The following SYMPK variants were observed in gnomAD, a reference collection of about 807,000 sequenced individuals.
SYMPK encodes symplekin scaffold protein.
In SYMPK, 49 loss-of-function variants were observed where a neutral mutation model predicts 136.4. The observed-to-expected ratio is 0.36, with a 90% confidence interval of 0.29 to 0.46. SYMPK has a LOEUF of 0.46. Among genes scored for constraint, SYMPK ranks in the 20% least tolerant of loss-of-function variants. The pLI is 1.00. For synonymous variants in SYMPK, 766 were observed against 713.0 expected, an observed-to-expected ratio of 1.07 and a Z score of -1.19; for missense variants, 1,365 against 1,690.0, an observed-to-expected ratio of 0.81 and a Z score of 3.37.
At chr19:45,831,052 C>T (rs1600505384) in intron 12 of SYMPK, 1 of 204,816 alleles carries the variant, frequency 4.9e-6, no homozygotes, top group East Asian at 1.1e-4. Flanking sequence ...ATCACAATCA[C>T]TTTTCACTCG....
chr19:45,823,167 C>T (rs1014783258), intron 20 of SYMPK, among the ~76,000 whole-genome samples: 1 of 152,180 alleles, frequency 6.6e-6, no homozygotes, highest in African/African-American at 2.4e-5. Context: ...ACCCGGGTGC[C>T]CATGCAAATG....
chr19:45,829,068 G>C lies in SYMPK; in HGVS notation c.1887C>G (p.Ala629=), dbSNP rs767787118. Residue 629 remains alanine, a synonymous_variant, in exon 14 of 27, where the codon GCC becomes GCG. Coordinates refer to ENST00000245934, the MANE Select transcript of SYMPK (RefSeq NM_004819.3). ...AFAWLYQEYN[A]YLAAGASGSL... ...AGCCCGAGGCACCTGCGGCCAGGTA[G>C]GCGTTGTACTCCTGGTAGAGCCAGG... 1.2e-6 allele frequency: 2 copies of C among 1,614,106 alleles called. No homozygotes were observed. The highest frequency in any genetic ancestry group is 1.7e-6 in the Non-Finnish European group (2 of 1,180,048).
chr19:45,843,507 C>T (rs560120883), intron 8 of SYMPK, among the ~76,000 whole-genome samples: 2 of 152,222 alleles, frequency 1.3e-5, no homozygotes, highest in Admixed American at 1.3e-4. Context: ...TGTCATTTCA[C>T]CCCCACATAC....
At chr19:45,817,417 C>CTCTCTT (rs1568605965) in intron 23 of SYMPK, among the ~76,000 whole-genome samples, 1 of 108,480 alleles carries the variant, frequency 9.2e-6, no homozygotes, top group African/African-American at 3.5e-5. Context: ...TTTTTGTTCT[C>CTCTCTT]TTTTTTTTTT....
At chr19:45,851,444 G>A (rs147843031) in intron 5 of SYMPK, among the ~76,000 whole-genome samples, 87 of 152,004 alleles carry the variant, frequency 5.7e-4, no homozygotes, top group African/African-American at 2.0e-3. Flanking sequence ...AGGCATGGTG[G>A]CACGCACCTG....
Position 45,821,696 on chromosome 19 carries a change from C to A in SYMPK, c.2792-211G>T, listed in dbSNP as rs1970901823. Among the ~76,000 whole-genome samples the A allele has an allele frequency of 6.6e-6, 1 of 152,198 alleles. No homozygotes were observed. The highest frequency in any genetic ancestry group is 1.5e-5 in the Non-Finnish European group (1 of 68,042). ...CAGCGTGAGGTTGCCACTGTGTGCT[C>A]CTCCCCATCCTGGGCTCCCACCCTG... is the stretch of plus-strand genomic sequence containing the variant. On this transcript the variant is annotated intron_variant, in intron 21 of 26. Coordinates refer to ENST00000245934, the MANE Select transcript of SYMPK (RefSeq NM_004819.3). This position sits in a 1 kb window ranked among gnomAD's most constrained non-coding sequence, Gnocchi z 4.4.
At chr19:45,858,056 C>T (rs1044041172) in intron 1 of SYMPK, among the ~76,000 whole-genome samples, 3 of 152,180 alleles carry the variant, frequency 2.0e-5, no homozygotes, top group Admixed American at 6.5e-5. Flanking sequence ...ACCTTGGCCT[C>T]CCAAATTGCT....
chr19:45,857,888 C>T (rs1303911501), intron 1 of SYMPK, among the ~76,000 whole-genome samples: 1 of 151,606 alleles, frequency 6.6e-6, no homozygotes, highest in African/African-American at 2.4e-5. Context: ...AACCTCCACC[C>T]TCCCAGGTTC....
chr19:45,858,927 GATTT>G (rs34339064), intron 1 of SYMPK, among the ~76,000 whole-genome samples: 10 of 150,684 alleles, frequency 6.6e-5, no homozygotes, highest in Non-Finnish European at 3.0e-5. Flanking sequence ...CGAGGACAGT[GATTT>G]ATTTATTTGA....
At chr19:45,831,660 G>C in intron 11 of SYMPK, 72 bp from the exon 12 acceptor site, 2 of 1,337,060 alleles carry the variant, frequency 1.5e-6, no homozygotes, top group Non-Finnish European at 1.0e-6. Flanking sequence ...CCTCCTGTGT[G>C]CCTGGCTCTG....
At chr19:45,854,953 C>T (rs960297610) in intron 1 of SYMPK, 1 of 161,216 alleles carries the variant, frequency 6.2e-6, no homozygotes, top group African/African-American at 2.4e-5. Flanking sequence ...TCTCAGCTCA[C>T]TGCAACCTCT....
rs754835710 is a variant in SYMPK, at chr19:45,815,657, C to A, written c.3728G>T (p.Ser1243Ile). 1.2e-6 allele frequency: 2 copies of A among 1,610,644 alleles called. No homozygotes were observed. The highest frequency in any genetic ancestry group is 1.7e-6 in the Non-Finnish European group (2 of 1,179,098). The change falls in exon 27 of 27, where the codon AGC (serine) becomes ATC (isoleucine). Residue 1243 changes from serine (S) to isoleucine (I), a missense_variant. Physicochemically the swap from Ser to Ile is moderately radical, Grantham distance 142. Around this residue, in one of 11 missense-constraint regions of SYMPK, gnomAD observed 341 missense variants for 270.5 expected, o/e 1.26. Coordinates refer to ENST00000245934, the MANE Select transcript of SYMPK (RefSeq NM_004819.3). ...TCCAACAGGTGCGAGGGTCTGGGGGCTCCGCTCCTCCTTCAAGGTCAGCCC... is the reference window on the plus strand; with the variant it reads ...TCCAACAGGTGCGAGGGTCTGGGGGATCCGCTCCTCCTTCAAGGTCAGCCC... Reference protein sequence around the residue: ...AGGLTLKEERSPQTLAPVGED... With the variant: ...AGGLTLKEERIPQTLAPVGED...
chr19:45,826,426 C>T lies in SYMPK; in HGVS notation c.2182-53G>A, dbSNP rs1971045316. 5 of 1,584,794 alleles carry T rather than the reference C, an allele frequency of 3.2e-6. No homozygotes were observed. The South Asian group carries it at 4.4e-5, about 14-fold the overall frequency. On this transcript the variant is annotated intron_variant, in intron 16 of 26. Coordinates refer to ENST00000245934, the MANE Select transcript of SYMPK (RefSeq NM_004819.3). The stretch of plus-strand genomic sequence containing the variant: ...GTCAGGGAAGAGGTAAGAGGAAGAA[C>T]AGCTATTCCTGCGAGCATGGCAACA...
At chr19:45,849,803 T>A (rs974684989) in intron 5 of SYMPK, among the ~76,000 whole-genome samples, 2 of 152,070 alleles carry the variant, frequency 1.3e-5, no homozygotes, top group Admixed American at 6.6e-5. Flanking sequence ...CCCAGCACTT[T>A]GGGAGGCTGA....
chr19:45,821,613 C>G lies in SYMPK; in HGVS notation c.2792-128G>C, dbSNP rs1009271513. The G allele has an allele frequency of 3.0e-6, 2 of 673,090 alleles. No homozygotes were observed. Among genetic ancestry groups the G allele is most frequent in the Non-Finnish European group, 5.2e-6 (2 of 383,906 alleles). The allele number at this position is 673,090 out of a possible 1,614,324, so 41.7% of individuals were successfully genotyped here. On this transcript the variant is annotated intron_variant, in intron 21 of 26. Coordinates refer to ENST00000245934, the MANE Select transcript of SYMPK (RefSeq NM_004819.3). This position sits in a 1 kb window ranked among gnomAD's most constrained non-coding sequence, Gnocchi z 4.4. ...GTGCCCTCTGCTTTCAGGGCTGGAACAGGGGAAGCGACTGACAACATAAAA... is the reference window on the plus strand; with the variant it reads ...GTGCCCTCTGCTTTCAGGGCTGGAAGAGGGGAAGCGACTGACAACATAAAA...
chr19:45,856,080 G>A (rs553683451), intron 1 of SYMPK, among the ~76,000 whole-genome samples: 17 of 152,276 alleles, frequency 1.1e-4, no homozygotes, highest in East Asian at 3.9e-4. Context: ...GAAGCCGGGC[G>A]CGGTGGCTCA....
At chr19:45,817,205 T>C (rs1378124470) in intron 23 of SYMPK, 2 of 520,402 alleles carry the variant, frequency 3.8e-6, no homozygotes, top group Non-Finnish European at 6.7e-6. Context: ...TCAGCCGCCT[T>C]TTACCAGAGC....
chr19:45,816,735 A>G, intron 24 of SYMPK, 63 bp downstream of exon 24: 1 of 1,480,228 alleles, frequency 6.8e-7, no homozygotes, highest in Non-Finnish European at 9.0e-7. Flanking sequence ...AGAGGGACCC[A>G]GGGGGCCGCC....
chr19:45,837,509 C>T (rs531604457), intron 10 of SYMPK, among the ~76,000 whole-genome samples: 6 of 147,268 alleles, frequency 4.1e-5, no homozygotes, highest in African/African-American at 1.0e-4. Context: ...CCCAGCTATT[C>T]GGGAGGCTGA....
Sources: allele counts gnomAD v4.1 joint callset (sites outside exome capture counted in the v4.1 genomes callset), GRCh38; gene constraint gnomAD v4.1.1; regional missense constraint gnomAD v4.1.1; non-coding constraint Gnocchi (gnomAD v3.1); transcripts MANE v1.5; gene names NCBI Gene and HGNC (gene_info 2026-07-23, HGNC 2026-07-21).